DSC2: variants seen among roughly 807,000 people sequenced by gnomAD.
The protein encoded by DSC2 is desmocollin-2.
DSC2 carries 51 observed loss-of-function variants against 87.6 expected under a neutral mutation model. That is an observed-to-expected ratio of 0.58 (90% confidence interval 0.46 to 0.74). The LOEUF (loss-of-function observed/expected upper bound fraction) is 0.74. Ranked by LOEUF, DSC2 falls within the 30% of genes least tolerant of loss-of-function variation. DSC2 has a pLI of 0.00. For synonymous variants in DSC2, 383 were observed against 393.2 expected, an observed-to-expected ratio of 0.97 and a Z score of 0.31; for missense variants, 1,066 against 1,089.5, an observed-to-expected ratio of 0.98 and a Z score of 0.30.
At chr18:31,070,583 T>A in intron 14 of DSC2, 143 bp downstream of exon 14, 1 of 1,110,952 alleles carries the variant, frequency 9.0e-7, no homozygotes, top group South Asian at 1.4e-5. Context: ...AAAGTCATTT[T>A]ATCTGTTTCA....
In DSC2 at chr18:31,082,041, TA is replaced by T. The variant is rs573964762; in HGVS notation, c.1263+196del. Among the ~76,000 whole-genome samples, 10,698 of 147,772 alleles carry T rather than the reference TA, an allele frequency of 0.072. 518 individuals are homozygous for T. Among genetic ancestry groups the T allele is most frequent in the African/African-American group, 0.14 (5,638 of 40,758 alleles). On this transcript the variant is annotated intron_variant, in intron 9 of 15. Coordinates refer to ENST00000280904, the MANE Select transcript of DSC2 (RefSeq NM_024422.6). ...TAGATATTGTATTATATGGACTTTT[TA>T]AAAAAAAAAATACCTAAACAAAAGA...
intron 12 of DSC2, among the ~76,000 whole-genome samples, chr18:31,073,479 T>A (rs1986901664): frequency 6.6e-6 from 1 of 152,024 alleles, no homozygotes; most frequent in Admixed American, 6.6e-5. Flanking sequence ...GACATAGTAG[T>A]TTAGCTTATT....
rs71175757 is a variant in DSC2 at position 31,074,421 on chromosome 18, ATGTGTGTGTG to A, written c.1888+252_1888+261del. ...AGAGAGAAAGAGAGAAAGAGAAAAA[ATGTGTGTGTG>A]TGTGTGTGTGTGTGTGTGTGTGTGT... On this transcript the variant is annotated intron_variant, in intron 12 of 15. Transcript: ENST00000280904. Among the ~76,000 whole-genome samples, 37,656 of 139,848 alleles carry A rather than the reference ATGTGTGTGTG, an allele frequency of 0.27. 5,396 individuals carry two copies. The highest frequency in any genetic ancestry group is 0.46 in the East Asian group (2,102 of 4,604). The allele number at this position is 139,848 out of a possible 152,430, so 91.7% of individuals were successfully genotyped here.
At chr18:31,078,414 C>G (rs1199170916) in intron 11 of DSC2, among the ~76,000 whole-genome samples, 1 of 152,112 alleles carries the variant, frequency 6.6e-6, no homozygotes, top group Non-Finnish European at 1.5e-5. Context: ...AATTCCATAA[C>G]AAATATTTGA....
rs1462640047 is a variant in DSC2, at chr18:31,082,228, T to G, written c.1263+10A>C. On this transcript the variant is annotated intron_variant, in intron 9 of 15. Transcript: ENST00000280904. ...TATAAACTACAAATAATGTTCTAAT[T>G]TATTCTTACCTTAACTACACAAAGA... The G allele has an allele frequency of 2.5e-6, 4 of 1,609,280 alleles. No individual in the cohort carries two copies. The highest frequency in any genetic ancestry group is 3.4e-6 in the Non-Finnish European group (4 of 1,176,790).
intron 14 of DSC2, 71 bp downstream of exon 14, chr18:31,070,655 T>C: frequency 1.2e-6 from 2 of 1,603,208 alleles, no homozygotes; most frequent in African/African-American, 1.3e-5. Flanking sequence ...TGAGAAAAGA[T>C]CATTTTAGAA....
chr18:31,074,970 C>T (rs1986968485), intron 11 of DSC2, 63 bp from the exon 12 acceptor site: 15 of 1,485,564 alleles, frequency 1.0e-5, no homozygotes, highest in Non-Finnish European at 1.2e-5. Flanking sequence ...AAAGTATGCA[C>T]TGAACACATT....
At chr18:31,091,780 C>T (rs1987607715) in intron 3 of DSC2, among the ~76,000 whole-genome samples, 1 of 152,146 alleles carries the variant, frequency 6.6e-6, no homozygotes, top group South Asian at 2.1e-4. Context: ...TTTCTTTATA[C>T]AGAGTTTCAA....
rs1012829113 is a variant in DSC2 at position 31,059,140 on chromosome 18, T to A, written c.*8875A>T. ...TCCCAGACCGCTCTGTTAGGTTGCA[T>A]GGAGAATGCGATGCATTGTGCAAAG... On this transcript the variant is annotated 3_prime_UTR_variant, in exon 16 of 16. Transcript: ENST00000280904. 5 of 152,166 alleles carry A rather than the reference T, an allele frequency of 3.3e-5. No homozygotes were observed. Among genetic ancestry groups the A allele is most frequent in the African/African-American group, 1.2e-4 (5 of 41,434 alleles). 9.4% of individuals were successfully genotyped at this position (152,166 alleles called of 1,614,324 possible). A position where few individuals can be genotyped will look rare whatever the true frequency, so the allele number is the denominator to read the frequency against.
rs1986639993 is a variant in DSC2 at position 31,066,958 on chromosome 18, AT to A, written c.*1056del. 6.6e-6 allele frequency: 1 copy of A among 152,120 alleles called. No individual in the cohort carries two copies. The highest frequency in any genetic ancestry group is 1.9e-4 in the East Asian group (1 of 5,202). The allele number at this position is 152,120 out of a possible 1,614,324, so 9.4% of individuals were successfully genotyped here. On this transcript the variant is annotated 3_prime_UTR_variant, in exon 16 of 16. Coordinates refer to ENST00000280904, the MANE Select transcript of DSC2 (RefSeq NM_024422.6). ...GTGTTGTCATACAGTAAATATCCAC[AT>A]CCCAATTCTAATTACACCATTCTTG...
At position 31,060,555 on chromosome 18, in the gene DSC2, T is replaced by C. The variant is rs1204765113; in HGVS notation, c.*7460A>G. 2.0e-5 allele frequency: 3 copies of C among 152,196 alleles called. No individual in the cohort carries two copies. Among genetic ancestry groups the C allele is most frequent in the Non-Finnish European group, 4.4e-5 (3 of 68,052 alleles). 9.4% of individuals were successfully genotyped at this position (152,196 alleles called of 1,614,324 possible). A position where few individuals can be genotyped will look rare whatever the true frequency, so the allele number is the denominator to read the frequency against. ...CACAGGTCCCCACACAACAGCACAG[T>C]GATGCCAAACAGTTGCTGCCTTCTG... On this transcript the variant is annotated 3_prime_UTR_variant, in exon 16 of 16. Coordinates refer to ENST00000280904, the MANE Select transcript of DSC2 (RefSeq NM_024422.6).
At chr18:31,070,669 A>G in intron 14 of DSC2, 57 bp downstream of exon 14, 1 of 1,609,596 alleles carries the variant, frequency 6.2e-7, no homozygotes, top group Non-Finnish European at 8.5e-7. Context: ...TTTAGAAGGA[A>G]TACGCATTAT....
chr18:31,075,648 C>T (rs542651105), intron 11 of DSC2, among the ~76,000 whole-genome samples: 1 of 152,186 alleles, frequency 6.6e-6, no homozygotes, highest in East Asian at 1.9e-4. Flanking sequence ...GTCAGGAGTT[C>T]GAGACCAGCC....
intron 11 of DSC2, among the ~76,000 whole-genome samples, 196 bp downstream of exon 11, chr18:31,079,647 TATAA>T (rs1262109915): frequency 5.4e-4 from 82 of 152,346 alleles, no homozygotes; most frequent in African/African-American, 1.8e-3. Context: ...TAAATTATTT[TATAA>T]TTACATCTAA....
intron 4 of DSC2, 146 bp from the exon 5 acceptor site, chr18:31,089,740 A>G: frequency 2.5e-6 from 2 of 808,376 alleles, no homozygotes; most frequent in Non-Finnish European, 3.7e-6. Flanking sequence ...CAGCAATAGA[A>G]TAAGAAAGTC....
chr18:31,071,530 C>T, intron 13 of DSC2, 75 bp downstream of exon 13: 1 of 1,409,068 alleles, frequency 7.1e-7, no homozygotes, highest in Non-Finnish European at 1.0e-6. Flanking sequence ...TGGGCTCTGT[C>T]TCAAAAAACA....
At chr18:31,080,496 T>C (rs1172437826) in intron 9 of DSC2, 144 bp from the exon 10 acceptor site, 3 of 1,043,430 alleles carry the variant, frequency 2.9e-6, no homozygotes, top group Admixed American at 4.6e-5. Flanking sequence ...TATCCAGTGA[T>C]ATGGTTTGGC....
intron 13 of DSC2, 127 bp from the exon 14 acceptor site, chr18:31,070,977 A>G (rs1986809055): frequency 8.3e-7 from 1 of 1,199,192 alleles, no homozygotes; most frequent in African/African-American, 1.5e-5. Flanking sequence ...GCTTTCCTGG[A>G]TTGCTTGTGT....
At chr18:31,070,626 G>T in intron 14 of DSC2, 100 bp downstream of exon 14, 1 of 1,536,772 alleles carries the variant, frequency 6.5e-7, no homozygotes. Context: ...TAAATTGCCT[G>T]ATACCAAAAG....
Sources: gnomAD v4.1 joint callset for allele counts (sites outside exome capture counted in the v4.1 genomes callset) on GRCh38, gnomAD v4.1.1 for gene constraint, MANE v1.5 for transcripts, NCBI Gene and HGNC (gene_info 2026-07-23, HGNC 2026-07-21) for gene names.